The following PARD3B variants were observed in gnomAD, a reference collection of about 807,000 sequenced individuals.
PARD3B encodes the protein partitioning defective 3 homolog B.
In PARD3B, 103 loss-of-function variants were observed where a neutral mutation model predicts 130.2. The ratio of observed to expected loss-of-function variants is 0.79; its 90% CI spans 0.67 to 0.93. The LOEUF (loss-of-function observed/expected upper bound fraction) is 0.93, where lower values mean the gene tolerates loss of function less well. Among genes scored for constraint, PARD3B ranks in the 40% least tolerant of loss-of-function variants. PARD3B has a pLI of 0.00. For missense variants in PARD3B, 1,609 were observed against 1,499.2 expected (o/e 1.07, Z -1.21); for synonymous variants, 583 against 553.2 (o/e 1.05, Z -0.76).
rs1293589895 is a variant in PARD3B at position 205,568,084 on chromosome 2, G to A, written c.3260+14681G>A. 6.6e-6 allele frequency among the ~76,000 whole-genome samples: 1 copy of A among 152,218 alleles called. No individual in the cohort carries two copies. The highest frequency in any genetic ancestry group is 2.4e-5 in the African/African-American group (1 of 41,460). ...CACTGGTAACAGAAGCCTCAAGCCAGGCAGCACAGATGCTTGGATAAGGAC... is the reference window on the plus strand; with the variant it reads ...CACTGGTAACAGAAGCCTCAAGCCAAGCAGCACAGATGCTTGGATAAGGAC... On this transcript the variant is annotated intron_variant, in intron 22 of 22. Coordinates refer to ENST00000406610, the MANE Select transcript of PARD3B (RefSeq NM_001302769.2). The surrounding 1 kb of genome is among the most constrained non-coding windows in gnomAD (Gnocchi z 5.3).
intron 15 of PARD3B, among the ~76,000 whole-genome samples, chr2:205,235,550 A>T (rs538972605): frequency 3.3e-5 from 5 of 152,300 alleles, no homozygotes; most frequent in African/African-American, 1.2e-4. Flanking sequence ...TGTAGAGGAT[A>T]GTACTATACA....
At chr2:204,976,606 T>A (rs1692183202) in intron 3 of PARD3B, among the ~76,000 whole-genome samples, 1 of 63,330 alleles carries the variant, frequency 1.6e-5, no homozygotes, top group Non-Finnish European at 4.5e-5. Context: ...GTAATTGATT[T>A]TTTTTTTTTT....
intron 19 of PARD3B, among the ~76,000 whole-genome samples, chr2:205,429,554 G>A (rs2047257881): frequency 6.6e-6 from 1 of 152,172 alleles, no homozygotes; most frequent in Admixed American, 6.6e-5. Context: ...ACATCAGTTT[G>A]TCTCCTTAGC....
intron 15 of PARD3B, among the ~76,000 whole-genome samples, chr2:205,238,670 A>G (rs2039178102): frequency 6.6e-6 from 1 of 150,646 alleles, no homozygotes; most frequent in Non-Finnish European, 1.5e-5. Context: ...CGTCTTTACT[A>G]AAAATACAAA....
intron 18 of PARD3B, among the ~76,000 whole-genome samples, chr2:205,310,094 T>C (rs1463424762): frequency 6.7e-6 from 1 of 149,650 alleles, no homozygotes; most frequent in Admixed American, 6.6e-5. Flanking sequence ...TTTTTTTTTT[T>C]TTTTTTTTGA....
chr2:205,002,456 AT>A (rs1559346197), intron 3 of PARD3B, among the ~76,000 whole-genome samples: 1 of 152,022 alleles, frequency 6.6e-6, no homozygotes, highest in East Asian at 1.9e-4. Context: ...AAAACATTTC[AT>A]TTTCCCAAGT....
At chr2:204,891,319 C>T (rs983152629) in intron 2 of PARD3B, among the ~76,000 whole-genome samples, 3 of 151,794 alleles carry the variant, frequency 2.0e-5, no homozygotes, top group Admixed American at 6.6e-5. Context: ...ATCTGATTAG[C>T]ATGGAGATGA....
Position 204,900,107 on chromosome 2 carries a change from G to A in PARD3B, c.223-65045G>A, listed in dbSNP as rs78271954. On this transcript the variant is annotated intron_variant, in intron 2 of 22. Coordinates refer to ENST00000406610, the MANE Select transcript of PARD3B (RefSeq NM_001302769.2). ...AGGTAGTCTTATTTGGGCTAAATCC[G>A]CCTGGTGTTTCATAACCTTCTTATG... 8.2e-3 allele frequency among the ~76,000 whole-genome samples: 1,250 copies of A among 151,966 alleles called. 10 individuals carry two copies. The highest frequency in any genetic ancestry group is 0.028 in the African/African-American group (1,153 of 41,434).
chr2:204,906,073 A>T lies in PARD3B; in HGVS notation c.223-59079A>T, dbSNP rs1559246122. ...ATTTTGGGCTAGAGTAATTTTTGCT[A>T]AATAATGGCTTATTAAAGGGTTCCT... On this transcript the variant is annotated intron_variant, in intron 2 of 22. Coordinates refer to ENST00000406610, the MANE Select transcript of PARD3B (RefSeq NM_001302769.2). The surrounding 1 kb of genome is among the most constrained non-coding windows in gnomAD (Gnocchi z 4.3). Among the ~76,000 whole-genome samples, 1 of 152,232 alleles carries T rather than the reference A, an allele frequency of 6.6e-6. No homozygotes were observed. The highest frequency in any genetic ancestry group is 1.5e-5 in the Non-Finnish European group (1 of 68,026).
At chr2:205,044,931 A>G (rs1186173126) in intron 3 of PARD3B, among the ~76,000 whole-genome samples, 1 of 152,184 alleles carries the variant, frequency 6.6e-6, no homozygotes, top group Non-Finnish European at 1.5e-5. Context: ...ATAACAGTTC[A>G]TATTTAAAGA....
intron 3 of PARD3B, among the ~76,000 whole-genome samples, chr2:204,996,615 C>T (rs978689564): frequency 6.6e-6 from 1 of 151,054 alleles, no homozygotes; most frequent in Admixed American, 6.6e-5. Flanking sequence ...CCACCCAGTT[C>T]GAGCTTCCCG....
At chr2:204,909,208 T>G in intron 2 of PARD3B, among the ~76,000 whole-genome samples, 1 of 152,172 alleles carries the variant, frequency 6.6e-6, no homozygotes, top group East Asian at 1.9e-4. Context: ...GGGAAAGTAA[T>G]TTGGCTATAA....
At chr2:205,533,641 AC>A (rs2051701711) in intron 21 of PARD3B, among the ~76,000 whole-genome samples, 1 of 152,224 alleles carries the variant, frequency 6.6e-6, no homozygotes, top group Admixed American at 6.5e-5. Context: ...CCCCTGTGTA[AC>A]CAGAATTATT....
intron 20 of PARD3B, among the ~76,000 whole-genome samples, chr2:205,475,068 T>A (rs2048979296): frequency 6.6e-6 from 1 of 152,112 alleles, no homozygotes; most frequent in African/African-American, 2.4e-5. Flanking sequence ...GGCTTTTATC[T>A]CCCTCTTGAC....
At chr2:205,454,106 C>G (rs1240095964) in intron 20 of PARD3B, among the ~76,000 whole-genome samples, 1 of 152,124 alleles carries the variant, frequency 6.6e-6, no homozygotes, top group Non-Finnish European at 1.5e-5. Context: ...ATATCAGAAG[C>G]CTTGGGCTTT....
At chr2:205,364,314 C>T (rs1221566037) in intron 18 of PARD3B, among the ~76,000 whole-genome samples, 1 of 152,170 alleles carries the variant, frequency 6.6e-6, no homozygotes, top group Non-Finnish European at 1.5e-5. Flanking sequence ...TTCTCCTCCT[C>T]TTTTTTGTTA....
At chr2:204,998,362 G>GTA (rs1385949049) in intron 3 of PARD3B, among the ~76,000 whole-genome samples, 4 of 63,416 alleles carry the variant, frequency 6.3e-5, no homozygotes, top group Non-Finnish European at 8.9e-5. Context: ...ATATATATGT[G>GTA]TGTGTGTGTG....
chr2:205,545,549 T>C (rs1336846255), intron 21 of PARD3B, among the ~76,000 whole-genome samples: 5 of 152,210 alleles, frequency 3.3e-5, no homozygotes, highest in Non-Finnish European at 1.5e-5. Context: ...TTTTTTGTAA[T>C]GGATCTAAGT....
chr2:204,737,348 G>A (rs1466580799), intron 2 of PARD3B, among the ~76,000 whole-genome samples: 2 of 152,206 alleles, frequency 1.3e-5, no homozygotes, highest in African/African-American at 2.4e-5. Context: ...GGTTAGTGAT[G>A]TTGAGCATTT....
Sources: gnomAD v4.1 joint callset for allele counts (sites outside exome capture counted in the v4.1 genomes callset) on GRCh38, gnomAD v4.1.1 for gene constraint, Gnocchi (gnomAD v3.1) non-coding constraint, MANE v1.5 for transcripts, NCBI Gene and HGNC (gene_info 2026-07-23, HGNC 2026-07-21) for gene names.